Variants in LRMDA observed in about 807,000 individuals in gnomAD.
LRMDA encodes the protein leucine rich melanocyte differentiation associated.
LRMDA carries 18 observed loss-of-function variants against 29.8 expected under a neutral mutation model. That is an observed-to-expected ratio of 0.60 (90% CI 0.42 to 0.90). LRMDA has a LOEUF of 0.90. Among genes scored for constraint, LRMDA ranks in the 40% least tolerant of loss-of-function variants. LRMDA has a pLI of 0.00. For missense variants in LRMDA, 273 were observed against 273.9 expected (o/e 1.00, Z 0.02); for synonymous variants, 125 against 109.4 (o/e 1.14, Z -0.89).
intron 5 of LRMDA, among the ~76,000 whole-genome samples, chr10:76,266,442 G>T (rs185497267): frequency 1.3e-5 from 2 of 152,198 alleles, no homozygotes; most frequent in Admixed American, 6.5e-5. Flanking sequence ...TTGTGTTTAT[G>T]AATACATATT....
chr10:75,559,217 C>T (rs796547613), intron 2 of LRMDA, among the ~76,000 whole-genome samples: 41 of 152,072 alleles, frequency 2.7e-4, no homozygotes, highest in East Asian at 2.5e-3. Flanking sequence ...TTTTAATGAT[C>T]GCCATTCTAA....
At chr10:75,827,382 A>G (rs1844264930) in intron 2 of LRMDA, among the ~76,000 whole-genome samples, 2 of 152,160 alleles carry the variant, frequency 1.3e-5, no homozygotes, top group Non-Finnish European at 2.9e-5. Flanking sequence ...TGGGAATGTT[A>G]ACAGAGGACT....
intron 6 of LRMDA, among the ~76,000 whole-genome samples, chr10:76,350,161 GCAAAAAA>G (rs1203058581): frequency 2.9e-5 from 4 of 137,848 alleles, no homozygotes; most frequent in African/African-American, 1.0e-4. Context: ...GTAGGTGGAG[GCAAAAAA>G]CAAAAAAAAA....
chr10:76,171,210 G>A (rs760461536), intron 5 of LRMDA, among the ~76,000 whole-genome samples: 27 of 152,108 alleles, frequency 1.8e-4, no homozygotes, highest in Non-Finnish European at 3.5e-4. Context: ...ACACTATCTC[G>A]CTGCAACCTC....
At chr10:76,342,112 A>C (rs1463750442) in intron 6 of LRMDA, among the ~76,000 whole-genome samples, 1 of 152,160 alleles carries the variant, frequency 6.6e-6, no homozygotes, top group Non-Finnish European at 1.5e-5. Context: ...AATTTCAATA[A>C]ATTTCAGTAG....
At chr10:76,197,262 A>G (rs1372263289) in intron 5 of LRMDA, among the ~76,000 whole-genome samples, 2 of 152,254 alleles carry the variant, frequency 1.3e-5, no homozygotes, top group Non-Finnish European at 2.9e-5. Flanking sequence ...TGAGCATAGT[A>G]TTTCATGAAG....
Position 76,201,878 on chromosome 10 carries a change from G to T in LRMDA, c.517-122523G>T, listed in dbSNP as rs146000759. ...TAGTTCCCAGTTGTGCAGATTGGCA[G>T]TTTGGACTCGGTTGGATGGTTCTTT... On this transcript the variant is annotated intron_variant, in intron 5 of 6. Transcript: ENST00000611255. 1.6e-3 allele frequency among the ~76,000 whole-genome samples: 246 copies of T among 152,284 alleles called. 1 individual carries two copies. Among genetic ancestry groups the T allele is most frequent in the Middle Eastern group, 6.8e-3 (2 of 294 alleles).
At chr10:75,822,445 G>T (rs1909696) in intron 2 of LRMDA, among the ~76,000 whole-genome samples, 95,562 of 151,804 alleles carry the variant, frequency 0.63, 30,381 homozygotes, top group South Asian at 0.69. Context: ...GTCACTATTC[G>T]CAGAATTTAA....
intron 2 of LRMDA, among the ~76,000 whole-genome samples, chr10:75,706,242 TA>T (rs1426970472): frequency 2.1e-5 from 3 of 142,424 alleles, no homozygotes; most frequent in East Asian, 2.2e-4. Context: ...TTTTCTCACA[TA>T]TTTTTTTTTT....
chr10:76,410,298 C>CTTTTTTTTTT lies in LRMDA; in HGVS notation c.601+85832_601+85841dup, dbSNP rs1172213249. ...GAGGCTTGGAAAAATCACTTTCTTT[C>CTTTTTTTTTT]TTTTTTTTTTTTTTTTTTTTTTTTT... is the stretch of plus-strand genomic sequence containing the variant. On this transcript the variant is annotated intron_variant, in intron 6 of 6. Transcript: ENST00000611255. Among the ~76,000 whole-genome samples, 90 of 66,560 alleles carry CTTTTTTTTTT rather than the reference C, an allele frequency of 1.4e-3. 1 individual carries two copies. Among genetic ancestry groups the CTTTTTTTTTT allele is most frequent in the Non-Finnish European group, 1.7e-3 (61 of 35,970 alleles). The allele number at this position is 66,560 out of a possible 152,430, so 43.7% of individuals were successfully genotyped here. A position where few individuals can be genotyped will look rare whatever the true frequency, so the allele number is the denominator to read the frequency against.
intron 2 of LRMDA, among the ~76,000 whole-genome samples, chr10:75,782,221 T>C (rs1212168949): frequency 1.3e-5 from 2 of 152,196 alleles, no homozygotes; most frequent in Non-Finnish European, 2.9e-5. Flanking sequence ...TTTAAGGTAA[T>C]ATTTTGCATT....
At chr10:75,752,466 TC>T (rs984329670) in intron 2 of LRMDA, among the ~76,000 whole-genome samples, 32 of 152,152 alleles carry the variant, frequency 2.1e-4, no homozygotes, top group Non-Finnish European at 4.4e-4. Context: ...CCACCTCAGA[TC>T]CCAAAGTGCT....
intron 2 of LRMDA, among the ~76,000 whole-genome samples, chr10:75,981,423 ACT>A (rs1847168471): frequency 6.6e-6 from 1 of 151,926 alleles, no homozygotes; most frequent in Admixed American, 6.6e-5. Context: ...ATCAGCAAAG[ACT>A]CTTTTTCCCT....
chr10:76,451,659 T>C (rs909555291), intron 6 of LRMDA, among the ~76,000 whole-genome samples: 1 of 151,386 alleles, frequency 6.6e-6, no homozygotes, highest in Admixed American at 6.6e-5. Flanking sequence ...TTTTTTTTTT[T>C]TGTGGAGGAG....
intron 2 of LRMDA, among the ~76,000 whole-genome samples, chr10:75,735,762 G>C (rs1842754221): frequency 6.6e-6 from 1 of 152,162 alleles, no homozygotes; most frequent in Non-Finnish European, 1.5e-5. Context: ...GACAACAGAA[G>C]CCGCTATCAG....
chr10:75,863,360 T>C (rs1229402483), intron 2 of LRMDA, among the ~76,000 whole-genome samples: 1 of 152,240 alleles, frequency 6.6e-6, no homozygotes, highest in Non-Finnish European at 1.5e-5. Flanking sequence ...ACTGTATCTA[T>C]ATTTTAGATG....
chr10:76,499,307 T>C (rs1398458328), intron 6 of LRMDA, among the ~76,000 whole-genome samples: 1 of 74,564 alleles, frequency 1.3e-5, no homozygotes, highest in East Asian at 2.5e-4. Context: ...TATATATGTA[T>C]TTGCGCATTC....
intron 2 of LRMDA, among the ~76,000 whole-genome samples, chr10:75,562,864 C>G (rs893896137): frequency 2.6e-5 from 4 of 152,320 alleles, no homozygotes; most frequent in African/African-American, 7.2e-5. Context: ...GGCCCCCACT[C>G]TCTTCTGGCT....
At chr10:75,562,873 C>T (rs1339161543) in intron 2 of LRMDA, among the ~76,000 whole-genome samples, 3 of 152,144 alleles carry the variant, frequency 2.0e-5, no homozygotes, top group Admixed American at 2.0e-4. Flanking sequence ...TCTCTTCTGG[C>T]TTGTAGAGTT....
Sources: gnomAD v4.1 joint callset for allele counts (sites outside exome capture counted in the v4.1 genomes callset) on GRCh38, gnomAD v4.1.1 for gene constraint, MANE v1.5 for transcripts, NCBI Gene and HGNC (gene_info 2026-07-23, HGNC 2026-07-21) for gene names.